Variants in XXYLT1 observed in about 807,000 individuals in gnomAD.
The protein encoded by XXYLT1 is UDP-xylose:alpha-xyloside alpha-1,3-xylosyltransferase.
A neutral mutation model predicts 28.9 loss-of-function variants in XXYLT1; 20 were observed. The observed-to-expected ratio is 0.69, with a 90% CI of 0.49 to 1.00. The LOEUF is 1.00. XXYLT1 is among the 50% of genes least tolerant of loss of function. XXYLT1 has a pLI of 0.00. For synonymous variants in XXYLT1, 257 were observed against 253.8 expected (o/e 1.01, Z -0.12); for missense variants, 542 against 560.1 (o/e 0.97, Z 0.33).
chr3:195,111,867 C>T (rs1176276195), intron 3 of XXYLT1, among the ~76,000 whole-genome samples: 1 of 152,142 alleles, frequency 6.6e-6, no homozygotes, highest in Admixed American at 6.5e-5. Context: ...GGTAAAGTGG[C>T]CTTCGGAAAA....
chr3:195,199,662 G>C (rs1423807329), intron 2 of XXYLT1, among the ~76,000 whole-genome samples: 1 of 152,056 alleles, frequency 6.6e-6, no homozygotes, highest in African/African-American at 2.4e-5. Context: ...CTAGAGCTAA[G>C]GAGTCTCATA....
rs545762171 is a variant in XXYLT1 at position 195,247,444 on chromosome 3, C to T, written c.505-20588G>A. Among the ~76,000 whole-genome samples, 113 of 152,370 alleles carry T rather than the reference C, an allele frequency of 7.4e-4. 1 individual carries two copies. The highest frequency in any genetic ancestry group is 1.4e-3 in the Non-Finnish European group (92 of 68,040). On this transcript the variant is annotated intron_variant, in intron 1 of 3. Coordinates refer to ENST00000310380, the MANE Select transcript of XXYLT1 (RefSeq NM_152531.5). Reference sequence around the variant, plus strand: ...GGAGGCACTGAGCCAGATTCTGTCCCGCAGGCAGGAAGGTGGCCTGGGCCG... The same window carrying T: ...GGAGGCACTGAGCCAGATTCTGTCCTGCAGGCAGGAAGGTGGCCTGGGCCG...
At chr3:195,120,577 C>T (rs1718305027) in intron 3 of XXYLT1, among the ~76,000 whole-genome samples, 1 of 152,226 alleles carries the variant, frequency 6.6e-6, no homozygotes, top group African/African-American at 2.4e-5. Flanking sequence ...TCCTGTTCAG[C>T]TGTAGCAACA....
chr3:195,248,039 T>C (rs903147575), intron 1 of XXYLT1: 1 of 513,066 alleles, frequency 1.9e-6, no homozygotes, highest in Non-Finnish European at 3.5e-6. Context: ...AGCCAAACCT[T>C]ATCAGCCACT....
intron 3 of XXYLT1, among the ~76,000 whole-genome samples, chr3:195,151,059 G>A (rs1382405996): frequency 6.6e-6 from 1 of 151,926 alleles, no homozygotes; most frequent in African/African-American, 2.4e-5. Context: ...AGACCTTGAG[G>A]GCTGCCTCCC....
rs759436916 is a variant in XXYLT1, at chr3:195,078,569, T to A, written c.786-8458A>T. On this transcript the variant is annotated intron_variant, in intron 3 of 3. Transcript: ENST00000310380. This position sits in a 1 kb window ranked among gnomAD's most constrained non-coding sequence, Gnocchi z 5.0. Reference sequence around the variant, plus strand: ...TCATCCCCATCCAAGCTGGGCCTTCTCCCCAGTGATGCCCTCCAAGCCTCC... The same window carrying A: ...TCATCCCCATCCAAGCTGGGCCTTCACCCCAGTGATGCCCTCCAAGCCTCC... 1.6e-4 allele frequency among the ~76,000 whole-genome samples: 25 copies of A among 151,946 alleles called. No homozygotes were observed. The highest frequency in any genetic ancestry group is 5.9e-5 in the Non-Finnish European group (4 of 67,978).
chr3:195,101,083 T>A (rs1716748256), intron 3 of XXYLT1, among the ~76,000 whole-genome samples: 1 of 152,252 alleles, frequency 6.6e-6, no homozygotes, highest in Admixed American at 6.5e-5. Flanking sequence ...TCCCAGCAGC[T>A]CCCCAGCCTC....
chr3:195,107,258 G>T (rs1191049699), intron 3 of XXYLT1, among the ~76,000 whole-genome samples: 1 of 151,734 alleles, frequency 6.6e-6, no homozygotes, highest in African/African-American at 2.4e-5. Context: ...CGGATCACCT[G>T]AGGTCGGGAG....
intron 2 of XXYLT1, among the ~76,000 whole-genome samples, chr3:195,225,870 G>A (rs1031132080): frequency 5.9e-5 from 9 of 152,028 alleles, no homozygotes; most frequent in African/African-American, 2.2e-4. Flanking sequence ...CCTTGGTGTC[G>A]GCATGTGAAG....
chr3:195,188,999 GATA>G (rs1289321282), intron 2 of XXYLT1, among the ~76,000 whole-genome samples: 1 of 152,172 alleles, frequency 6.6e-6, no homozygotes, highest in Non-Finnish European at 1.5e-5. Context: ...CTCACACAAT[GATA>G]ATACCAAAGA....
rs1577102345 is a variant in XXYLT1, at chr3:195,168,433, G to A, written c.653-11852C>T. 6.6e-6 allele frequency among the ~76,000 whole-genome samples: 1 copy of A among 152,000 alleles called. No homozygotes were observed. Among genetic ancestry groups the A allele is most frequent in the African/African-American group, 2.4e-5 (1 of 41,232 alleles). ...AAATGTGAGGGTTCAGAAATAAATA[G>A]TGTCTTTCCTAGCCTCAAAATGCAA... On this transcript the variant is annotated intron_variant, in intron 2 of 3. Coordinates refer to ENST00000310380, the MANE Select transcript of XXYLT1 (RefSeq NM_152531.5). This position sits in a 1 kb window ranked among gnomAD's most constrained non-coding sequence, Gnocchi z 4.3.
intron 3 of XXYLT1, among the ~76,000 whole-genome samples, chr3:195,144,970 T>C (rs1449770885): frequency 1.3e-5 from 2 of 151,686 alleles, no homozygotes; most frequent in African/African-American, 4.8e-5. Context: ...TTCACCCTTA[T>C]GTCTCTACCT....
At chr3:195,204,255 C>T (rs886266822) in intron 2 of XXYLT1, among the ~76,000 whole-genome samples, 11 of 151,590 alleles carry the variant, frequency 7.3e-5, no homozygotes, top group Non-Finnish European at 1.0e-4. Context: ...AGGCAGAAAA[C>T]TCGCTTGAAC....
In XXYLT1 at chr3:195,124,443, T is replaced by C. The variant is rs1042734736; in HGVS notation, c.785+32006A>G. Among the ~76,000 whole-genome samples the C allele has an allele frequency of 2.0e-4, 30 of 152,226 alleles. No individual in the cohort carries two copies. Among genetic ancestry groups the C allele is most frequent in the African/African-American group, 6.5e-4 (27 of 41,462 alleles). On this transcript the variant is annotated intron_variant, in intron 3 of 3. Coordinates refer to ENST00000310380, the MANE Select transcript of XXYLT1 (RefSeq NM_152531.5). This position sits in a 1 kb window ranked among gnomAD's most constrained non-coding sequence, Gnocchi z 4.1. ...TTGCGATGGCAGCATGAGAGAGCTC[T>C]GGGGCTTTGGGCCTGGCACAGAATA... is the stretch of plus-strand genomic sequence containing the variant.
intron 2 of XXYLT1, chr3:195,175,636 C>T: frequency 6.5e-7 from 1 of 1,536,152 alleles, no homozygotes; most frequent in South Asian, 1.2e-5. Context: ...CTCACCCGCA[C>T]TCTGCCTTCC....
At chr3:195,120,834 G>A (rs550092579) in intron 3 of XXYLT1, among the ~76,000 whole-genome samples, 15 of 152,262 alleles carry the variant, frequency 9.9e-5, no homozygotes, top group Admixed American at 3.3e-4. Flanking sequence ...GAGGGTGTGC[G>A]GCCTGGCTGG....
rs1408540194 is a variant in XXYLT1 at position 195,255,554 on chromosome 3, A to G, written c.504+15001T>C. ...AAAACACAGACGACTGCAGGGAGTC[A>G]CAAGTGGGTGAGATCCAAAAGCTGT... On this transcript the variant is annotated intron_variant, in intron 1 of 3. Coordinates refer to ENST00000310380, the MANE Select transcript of XXYLT1 (RefSeq NM_152531.5). This position sits in a 1 kb window ranked among gnomAD's most constrained non-coding sequence, Gnocchi z 4.5. Among the ~76,000 whole-genome samples, 1 of 152,010 alleles carries G rather than the reference A, an allele frequency of 6.6e-6. No individual in the cohort carries two copies. The highest frequency in any genetic ancestry group is 2.4e-5 in the African/African-American group (1 of 41,466).
intron 3 of XXYLT1, among the ~76,000 whole-genome samples, chr3:195,135,757 T>C (rs897677893): frequency 6.6e-6 from 1 of 152,188 alleles, no homozygotes; most frequent in Admixed American, 6.5e-5. Context: ...AGAGATTTTC[T>C]ACAGTAAATC....
intron 3 of XXYLT1, among the ~76,000 whole-genome samples, chr3:195,135,140 G>A (rs887627046): frequency 3.3e-5 from 5 of 152,174 alleles, no homozygotes. Flanking sequence ...AAGTGGCCAC[G>A]TCCCCACTGT....
Sources: gnomAD v4.1 joint callset for allele counts (sites outside exome capture counted in the v4.1 genomes callset) on GRCh38, gnomAD v4.1.1 for gene constraint, Gnocchi (gnomAD v3.1) non-coding constraint, MANE v1.5 for transcripts, NCBI Gene and HGNC (gene_info 2026-07-23, HGNC 2026-07-21) for gene names.